CSMD1: variants seen among roughly 807,000 people sequenced by gnomAD.
CSMD1 encodes the protein CUB and Sushi multiple domains 1, also known as CUB and sushi domain-containing protein 1.
Under a neutral mutation model 417.5 loss-of-function variants are expected in CSMD1, and 213 were observed. The ratio of observed to expected loss-of-function variants is 0.51; its 90% CI spans 0.46 to 0.57. CSMD1 has a LOEUF of 0.57. Among genes scored for constraint, CSMD1 ranks in the 20% least tolerant of loss-of-function variants. CSMD1 has a pLI of 0.00. For missense variants in CSMD1, 6,923 were observed against 4,529.7 expected, an observed-to-expected ratio of 1.53 and a Z score of -15.17; for synonymous variants, 2,862 against 1,736.8, an observed-to-expected ratio of 1.65 and a Z score of -16.11.
intron 10 of CSMD1, among the ~76,000 whole-genome samples, chr8:3,532,953 T>C (rs570701315): frequency 6.6e-6 from 1 of 152,228 alleles, no homozygotes; most frequent in Non-Finnish European, 1.5e-5. Context: ...AGTATTATCA[T>C]GTAGAGTCTC....
intron 1 of CSMD1, among the ~76,000 whole-genome samples, chr8:4,917,409 C>T (rs1027906761): frequency 1.3e-5 from 2 of 152,138 alleles, no homozygotes; most frequent in Non-Finnish European, 2.9e-5. Context: ...CCAAGGTGGG[C>T]AGACTACAAG....
intron 3 of CSMD1, among the ~76,000 whole-genome samples, chr8:4,064,035 C>T (rs1364032538): frequency 1.3e-5 from 2 of 152,142 alleles, no homozygotes; most frequent in Non-Finnish European, 1.5e-5. Flanking sequence ...CAACTGACAC[C>T]AGCTGAGAGT....
At chr8:4,867,497 T>A (rs180806219) in intron 1 of CSMD1, among the ~76,000 whole-genome samples, 1 of 152,092 alleles carries the variant, frequency 6.6e-6, no homozygotes, top group African/African-American at 2.4e-5. Flanking sequence ...ACTCTTCCTA[T>A]CCCAGCCAAC....
chr8:3,101,799 CT>C (rs530061255), intron 46 of CSMD1, among the ~76,000 whole-genome samples: 3,018 of 106,224 alleles, frequency 0.028, 84 homozygotes, highest in East Asian at 0.19. Flanking sequence ...CTTTCTTTTT[CT>C]TTTTTTTTTT....
chr8:3,277,082 G>A (rs1802347404), intron 26 of CSMD1, among the ~76,000 whole-genome samples: 1 of 152,144 alleles, frequency 6.6e-6, no homozygotes, highest in South Asian at 2.1e-4. Flanking sequence ...TCAGTCCAGT[G>A]TGTAACAGGA....
intron 25 of CSMD1, among the ~76,000 whole-genome samples, chr8:3,300,532 A>G (rs1281058629): frequency 1.3e-5 from 2 of 152,198 alleles, no homozygotes; most frequent in Admixed American, 1.3e-4. Context: ...ACTTGTACTA[A>G]GACATATGAG....
chr8:3,520,024 A>ATT (rs1797439467), intron 10 of CSMD1, among the ~76,000 whole-genome samples: 3 of 144,288 alleles, frequency 2.1e-5, no homozygotes, highest in Admixed American at 7.1e-5. Flanking sequence ...ATATACCTAT[A>ATT]TATATATATA....
intron 6 of CSMD1, among the ~76,000 whole-genome samples, chr8:3,732,199 G>A (rs548063412): frequency 6.6e-5 from 10 of 152,300 alleles, no homozygotes; most frequent in East Asian, 3.9e-4. Flanking sequence ...GAGTCTTTCC[G>A]AGAGGACTCT....
chr8:3,257,925 G>T (rs866808253), intron 26 of CSMD1, among the ~76,000 whole-genome samples: 3 of 152,138 alleles, frequency 2.0e-5, no homozygotes, highest in South Asian at 2.1e-4. Context: ...ATATTTTAAA[G>T]AATTAATGTA....
intron 3 of CSMD1, among the ~76,000 whole-genome samples, chr8:4,291,805 G>A (rs1018669015): frequency 6.6e-6 from 1 of 152,168 alleles, no homozygotes. Flanking sequence ...GTAATATCTG[G>A]TTCTGAAATG....
intron 11 of CSMD1, among the ~76,000 whole-genome samples, chr8:3,481,752 C>T (rs1817761622): frequency 6.6e-6 from 1 of 152,114 alleles, no homozygotes. Flanking sequence ...GGCCACAAGC[C>T]AAGGAACGCC....
intron 7 of CSMD1, among the ~76,000 whole-genome samples, chr8:3,698,828 C>G (rs1289226711): frequency 3.3e-5 from 5 of 152,094 alleles, no homozygotes; most frequent in African/African-American, 1.2e-4. Context: ...ATGAAAATGT[C>G]CGTGGGAAAA....
chr8:3,666,180 G>A (rs1258673257), intron 7 of CSMD1, among the ~76,000 whole-genome samples: 1 of 152,156 alleles, frequency 6.6e-6, no homozygotes, highest in Non-Finnish European at 1.5e-5. Flanking sequence ...ACAGGCATGA[G>A]CCACCACGCT....
chr8:4,237,776 G>C (rs1251094127), intron 3 of CSMD1, among the ~76,000 whole-genome samples: 1 of 152,184 alleles, frequency 6.6e-6, no homozygotes, highest in African/African-American at 2.4e-5. Context: ...GCACCTCAAA[G>C]TGCTGAGATT....
At chr8:3,743,372 C>T (rs906331800) in intron 6 of CSMD1, among the ~76,000 whole-genome samples, 7 of 152,130 alleles carry the variant, frequency 4.6e-5, no homozygotes, top group Non-Finnish European at 7.3e-5. Context: ...GATAATTTGC[C>T]GTCCACACAT....
chr8:3,886,650 C>A (rs958809608), intron 5 of CSMD1, among the ~76,000 whole-genome samples: 1 of 152,090 alleles, frequency 6.6e-6, no homozygotes, highest in African/African-American at 2.4e-5. Context: ...TGAGATGTAT[C>A]TTCTAACAAC....
intron 3 of CSMD1, among the ~76,000 whole-genome samples, chr8:4,132,970 G>T (rs940032787): frequency 6.6e-6 from 1 of 152,132 alleles, no homozygotes; most frequent in Non-Finnish European, 1.5e-5. Flanking sequence ...GTCTCGCTCT[G>T]TTATCCAGGC....
intron 12 of CSMD1, among the ~76,000 whole-genome samples, chr8:3,415,530 G>C (rs1399960708): frequency 1.3e-5 from 2 of 152,052 alleles, no homozygotes; most frequent in Non-Finnish European, 2.9e-5. Flanking sequence ...GGTAATTTTT[G>C]TATTTTTTAG....
chr8:4,284,413 G>C (rs1408836455), intron 3 of CSMD1, among the ~76,000 whole-genome samples: 3 of 131,696 alleles, frequency 2.3e-5, no homozygotes, highest in Admixed American at 9.6e-5. Context: ...TTCTTCAGGA[G>C]AGACAAACAC....
Sources: allele counts gnomAD v4.1 joint callset (sites outside exome capture counted in the v4.1 genomes callset), GRCh38; gene constraint gnomAD v4.1.1; transcripts MANE v1.5; gene names NCBI Gene and HGNC (gene_info 2026-07-23, HGNC 2026-07-21).